GNG12: variants seen among roughly 807,000 people sequenced by gnomAD.
GNG12 encodes G protein subunit gamma 12.
For synonymous variants in GNG12, 28 were observed against 29.7 expected (o/e 0.94, Z 0.19); for missense variants, 69 against 83.8 (o/e 0.82, Z 0.69).
intron 2 of GNG12, among the ~76,000 whole-genome samples, chr1:67,719,642 C>T (rs1240585041): frequency 6.6e-6 from 1 of 152,226 alleles, no homozygotes; most frequent in African/African-American, 2.4e-5. Context: ...TTATTCATTA[C>T]TATATGCCAG....
intron 1 of GNG12, among the ~76,000 whole-genome samples, chr1:67,783,529 G>A (rs1646749881): frequency 6.6e-6 from 1 of 152,068 alleles, no homozygotes; most frequent in African/African-American, 2.4e-5. Flanking sequence ...AGAGTGAACA[G>A]GCAACCTACA....
chr1:67,738,099 A>G (rs1646462524), intron 2 of GNG12, among the ~76,000 whole-genome samples: 1 of 151,560 alleles, frequency 6.6e-6, no homozygotes, highest in Non-Finnish European at 1.5e-5. Context: ...ATGTCAGGCT[A>G]TTTTTTGTTT....
At chr1:67,796,996 A>G (rs1232840151) in intron 1 of GNG12, among the ~76,000 whole-genome samples, 1 of 152,206 alleles carries the variant, frequency 6.6e-6, no homozygotes, top group African/African-American at 2.4e-5. Context: ...GTGAACTAAT[A>G]AAGTGAGAAC....
At chr1:67,772,153 C>A (rs1251255375) in intron 2 of GNG12, among the ~76,000 whole-genome samples, 1 of 152,140 alleles carries the variant, frequency 6.6e-6, no homozygotes, top group Non-Finnish European at 1.5e-5. Context: ...AAACATAATC[C>A]TTTCTCCAAC....
At chr1:67,790,197 A>T (rs1646793639) in intron 1 of GNG12, among the ~76,000 whole-genome samples, 1 of 152,184 alleles carries the variant, frequency 6.6e-6, no homozygotes, top group East Asian at 1.9e-4. Flanking sequence ...ACCTGTTCTT[A>T]TACCTACCAC....
intron 2 of GNG12, among the ~76,000 whole-genome samples, chr1:67,708,425 C>T (rs1646262457): frequency 6.6e-6 from 1 of 152,188 alleles, no homozygotes; most frequent in Admixed American, 6.5e-5. Flanking sequence ...CCTCCTTTGA[C>T]CTCTCCCTGG....
intron 2 of GNG12, among the ~76,000 whole-genome samples, chr1:67,723,298 C>G (rs147917984): frequency 6.6e-6 from 1 of 152,248 alleles, no homozygotes; most frequent in East Asian, 1.9e-4. Flanking sequence ...AGGGCAGTTT[C>G]AAAGGAGCAG....
chr1:67,809,412 A>G (rs1646910786), intron 1 of GNG12, among the ~76,000 whole-genome samples: 3 of 152,198 alleles, frequency 2.0e-5, no homozygotes, highest in Admixed American at 2.0e-4. Context: ...CAAAGGCATG[A>G]ACCACAAAAG....
intron 2 of GNG12, among the ~76,000 whole-genome samples, chr1:67,731,808 C>A (rs1400156140): frequency 6.6e-6 from 1 of 152,176 alleles, no homozygotes; most frequent in African/African-American, 2.4e-5. Context: ...GTGTAAAATG[C>A]ATTGTTCTGC....
chr1:67,767,202 A>G (rs1646645660), intron 2 of GNG12, among the ~76,000 whole-genome samples: 1 of 152,074 alleles, frequency 6.6e-6, no homozygotes, highest in Non-Finnish European at 1.5e-5. Context: ...CCAGCCTGCC[A>G]CCACTGGACT....
intron 2 of GNG12, among the ~76,000 whole-genome samples, chr1:67,730,425 C>T (rs1054961097): frequency 1.3e-5 from 2 of 152,128 alleles, no homozygotes; most frequent in Non-Finnish European, 1.5e-5. Context: ...ACACTTGAAC[C>T]CAGGAGGAGG....
intron 2 of GNG12, among the ~76,000 whole-genome samples, chr1:67,775,078 T>C (rs1646697323): frequency 6.6e-6 from 1 of 152,226 alleles, no homozygotes; most frequent in African/African-American, 2.4e-5. Context: ...CTTTTACCTC[T>C]ACCACGCAGG....
intron 2 of GNG12, among the ~76,000 whole-genome samples, chr1:67,774,509 G>A (rs1646693324): frequency 6.6e-6 from 1 of 152,204 alleles, no homozygotes; most frequent in African/African-American, 2.4e-5. Flanking sequence ...CAGCCACAGG[G>A]TGATGGCCTT....
chr1:67,759,707 AAAG>A (rs1646591227), intron 2 of GNG12, among the ~76,000 whole-genome samples: 1 of 152,190 alleles, frequency 6.6e-6, no homozygotes, highest in African/African-American at 2.4e-5. Flanking sequence ...ATTATTTTAA[AAAG>A]AAGGCACCTA....
chr1:67,758,043 C>T lies in GNG12; in HGVS notation c.-27+19415G>A, dbSNP rs534048948. On this transcript the variant is annotated intron_variant, in intron 2 of 3. Coordinates refer to ENST00000370982, the MANE Select transcript of GNG12 (RefSeq NM_018841.6). ...CTGCAGTGCAGTGGCACGGTCTCGG[C>T]TCACTGCAGTGTCTGCCTCCCAGGT... 1.3e-3 allele frequency among the ~76,000 whole-genome samples: 203 copies of T among 152,284 alleles called. 1 individual carries two copies. The highest frequency in any genetic ancestry group is 2.5e-3 in the Non-Finnish European group (169 of 68,022).
At chr1:67,772,167 A>G (rs1646678700) in intron 2 of GNG12, among the ~76,000 whole-genome samples, 1 of 152,204 alleles carries the variant, frequency 6.6e-6, no homozygotes, top group Non-Finnish European at 1.5e-5. Flanking sequence ...CTCCAACAAA[A>G]AAAGTGCATA....
rs1423090732 is a variant in GNG12, at chr1:67,786,401, TAGAG to T, written c.-76-8898_-76-8895del. Reference sequence around the variant, plus strand: ...ACTAAATTGGACGGTGGTCCCCAGATAGAGAGGATGGGGCTCTTTTGAGAAAGAT... The same window carrying T: ...ACTAAATTGGACGGTGGTCCCCAGATAGGATGGGGCTCTTTTGAGAAAGAT... On this transcript the variant is annotated intron_variant, in intron 1 of 3. Transcript: ENST00000370982. Among the ~76,000 whole-genome samples, 8 of 152,002 alleles carry T rather than the reference TAGAG, an allele frequency of 5.3e-5. No homozygotes were observed. In the East Asian group the frequency reaches 1.5e-3, roughly 29 times the overall value.
chr1:67,824,551 T>C (rs969468596), intron 1 of GNG12, among the ~76,000 whole-genome samples: 2 of 143,354 alleles, frequency 1.4e-5, no homozygotes, highest in Non-Finnish European at 3.1e-5. Flanking sequence ...AGAAAAGAAA[T>C]CTTGTAGGGA....
intron 2 of GNG12, among the ~76,000 whole-genome samples, chr1:67,770,111 GA>G (rs532408391): frequency 1.8e-4 from 28 of 152,314 alleles, no homozygotes; most frequent in Admixed American, 7.8e-4. Flanking sequence ...AGATGTAACA[GA>G]TGGGAAATTC....
Sources: allele counts gnomAD v4.1 joint callset (sites outside exome capture counted in the v4.1 genomes callset), GRCh38; gene constraint gnomAD v4.1.1; transcripts MANE v1.5; gene names NCBI Gene and HGNC (gene_info 2026-07-23, HGNC 2026-07-21).